GRID1: variants seen among roughly 807,000 people sequenced by gnomAD.
GRID1 encodes the protein glutamate ionotropic receptor delta type subunit 1.
In GRID1, 28 loss-of-function variants were observed where a neutral mutation model predicts 98.0. The observed-to-expected ratio is 0.29, with a 90% CI of 0.21 to 0.39. The LOEUF (loss-of-function observed/expected upper bound fraction) is 0.39, where lower values mean the gene tolerates loss of function less well. GRID1 is among the 10% of genes least tolerant of loss of function. GRID1 has a pLI of 1.00. For synonymous variants in GRID1, 553 were observed against 538.5 expected, an observed-to-expected ratio of 1.03 and a Z score of -0.37; for missense variants, 1,111 against 1,340.5, an observed-to-expected ratio of 0.83 and a Z score of 2.67.
chr10:86,000,943 C>CG (rs952349760), intron 4 of GRID1, among the ~76,000 whole-genome samples: 2 of 8,556 alleles, frequency 2.3e-4, no homozygotes, highest in Non-Finnish European at 5.9e-4. Flanking sequence ...CTAGAAACAA[C>CG]CACTTGTTCT....
At chr10:86,019,302 T>C (rs2131885960) in intron 4 of GRID1, among the ~76,000 whole-genome samples, 3 of 152,322 alleles carry the variant, frequency 2.0e-5, no homozygotes, top group African/African-American at 7.2e-5. Context: ...CCAGCTGTGC[T>C]CTGCACAGGC....
At chr10:85,788,629 G>A (rs1476692642) in intron 8 of GRID1, among the ~76,000 whole-genome samples, 3 of 152,240 alleles carry the variant, frequency 2.0e-5, no homozygotes, top group Non-Finnish European at 4.4e-5. Context: ...GGTCTGGGAA[G>A]TCTCGTCATC....
intron 2 of GRID1, among the ~76,000 whole-genome samples, chr10:86,251,729 G>A (rs905378156): frequency 7.9e-5 from 12 of 152,196 alleles, no homozygotes; most frequent in Admixed American, 1.3e-4. Context: ...GCATCAGCCA[G>A]ATTGAAACAG....
intron 4 of GRID1, among the ~76,000 whole-genome samples, chr10:86,089,310 T>C (rs1194983928): frequency 1.3e-5 from 2 of 152,090 alleles, no homozygotes; most frequent in East Asian, 3.9e-4. Context: ...AACTTCCACA[T>C]CTTCCCAGCA....
intron 4 of GRID1, among the ~76,000 whole-genome samples, chr10:86,080,287 T>A (rs1043039996): frequency 1.6e-4 from 24 of 150,298 alleles, no homozygotes; most frequent in African/African-American, 4.7e-4. Flanking sequence ...TGAGCCAAGA[T>A]CGTGCCACTG....
At chr10:85,655,178 A>G (rs1840881390) in intron 12 of GRID1, among the ~76,000 whole-genome samples, 1 of 152,120 alleles carries the variant, frequency 6.6e-6, no homozygotes, top group Admixed American at 6.6e-5. Context: ...TCAGGCCTCC[A>G]AGTCTTCACT....
intron 3 of GRID1, among the ~76,000 whole-genome samples, chr10:86,189,511 A>ATG (rs1224399542): frequency 7.2e-5 from 11 of 151,750 alleles, no homozygotes; most frequent in Non-Finnish European, 1.2e-4. Context: ...ACACACACAC[A>ATG]CGCACACACA....
intron 2 of GRID1, among the ~76,000 whole-genome samples, chr10:86,224,706 C>A (rs1189735509): frequency 6.6e-6 from 1 of 152,222 alleles, no homozygotes; most frequent in Non-Finnish European, 1.5e-5. Flanking sequence ...TCACCTCCCT[C>A]TACGCAGCCA....
chr10:85,998,584 A>G (rs567986116), intron 4 of GRID1, among the ~76,000 whole-genome samples: 2 of 152,258 alleles, frequency 1.3e-5, no homozygotes, highest in South Asian at 4.1e-4. Flanking sequence ...ATCTTAAGAG[A>G]CTATAAAAAT....
chr10:85,863,094 G>C (rs751102253), intron 6 of GRID1, among the ~76,000 whole-genome samples: 3 of 152,180 alleles, frequency 2.0e-5, no homozygotes, highest in Admixed American at 6.5e-5. Context: ...AGACGCGAAG[G>C]CTGCCTTAGT....
At chr10:85,705,000 A>G (rs531426837) in intron 12 of GRID1, among the ~76,000 whole-genome samples, 4 of 152,164 alleles carry the variant, frequency 2.6e-5, no homozygotes, top group South Asian at 4.1e-4. Flanking sequence ...AGCACTAAAT[A>G]CCCACAAGAG....
chr10:86,226,832 G>A lies in GRID1; in HGVS notation c.236-20184C>T, dbSNP rs531194154. Among the ~76,000 whole-genome samples the A allele has an allele frequency of 4.6e-5, 7 of 151,546 alleles. 1 individual carries two copies. Among genetic ancestry groups the A allele is most frequent in the Admixed American group, 4.6e-4 (7 of 15,260 alleles). On this transcript the variant is annotated intron_variant, in intron 2 of 15. Transcript: ENST00000327946. ...CCTAAACCAGCTGGCGGTCCTCCCTGAGCTCAGCCAGCTTGCACACACTAA... is the reference window on the plus strand; with the variant it reads ...CCTAAACCAGCTGGCGGTCCTCCCTAAGCTCAGCCAGCTTGCACACACTAA...
intron 4 of GRID1, among the ~76,000 whole-genome samples, chr10:86,091,625 A>G (rs11511553): frequency 6.6e-6 from 1 of 151,842 alleles, no homozygotes; most frequent in Non-Finnish European, 1.5e-5. Context: ...CCCTCTCCAC[A>G]GTGCTACAGC....
At chr10:85,647,041 C>T (rs565861100) in intron 13 of GRID1, 161 bp downstream of exon 13, 1 of 671,992 alleles carries the variant, frequency 1.5e-6, no homozygotes, top group African/African-American at 1.8e-5. Context: ...AGAGCAGCTG[C>T]TTCTGAAAGG....
intron 4 of GRID1, among the ~76,000 whole-genome samples, chr10:85,934,006 G>T (rs1382570117): frequency 1.3e-5 from 2 of 152,150 alleles, no homozygotes; most frequent in Non-Finnish European, 2.9e-5. Flanking sequence ...GGTTTCCTAG[G>T]TACCCTGTCC....
rs142652933 is a variant in GRID1, at chr10:85,684,851, A to G, written c.1998-37454T>C. ...GTTCACTTTTGGCTTGCAGACTGCC[A>G]TATCTTCACTGTATCCCACATGAGA... is the stretch of plus-strand genomic sequence containing the variant. On this transcript the variant is annotated intron_variant, in intron 12 of 15. Transcript: ENST00000327946. Among the ~76,000 whole-genome samples the G allele has an allele frequency of 5.3e-5, 8 of 152,332 alleles. No homozygotes were observed. In the East Asian group the frequency reaches 1.5e-3, roughly 29 times the overall value.
chr10:85,920,865 CTG>C (rs879817156), intron 4 of GRID1, among the ~76,000 whole-genome samples: 11 of 152,192 alleles, frequency 7.2e-5, no homozygotes, highest in African/African-American at 1.2e-4. Flanking sequence ...AAGCTAGACA[CTG>C]TGGCTGAGGG....
At chr10:86,076,123 A>G (rs950837438) in intron 4 of GRID1, among the ~76,000 whole-genome samples, 3 of 152,244 alleles carry the variant, frequency 2.0e-5, no homozygotes, top group Non-Finnish European at 2.9e-5. Context: ...ATTAGCTGCC[A>G]CAAGTTCTAT....
chr10:85,772,748 A>G (rs1261267919), intron 8 of GRID1, among the ~76,000 whole-genome samples: 1 of 152,226 alleles, frequency 6.6e-6, no homozygotes, highest in Non-Finnish European at 1.5e-5. Context: ...TCCTCGACAC[A>G]TACACCCTCC....
Sources: allele counts gnomAD v4.1 joint callset (sites outside exome capture counted in the v4.1 genomes callset), GRCh38; gene constraint gnomAD v4.1.1; transcripts MANE v1.5; gene names NCBI Gene and HGNC (gene_info 2026-07-23, HGNC 2026-07-21).